SLC24A3: variants seen among roughly 807,000 people sequenced by gnomAD.
SLC24A3 encodes solute carrier family 24 member 3, also known as sodium/potassium/calcium exchanger 3.
SLC24A3 carries 28 observed loss-of-function variants against 75.8 expected under a neutral mutation model. The ratio of observed to expected loss-of-function variants is 0.37; its 90% CI spans 0.27 to 0.51. The LOEUF (loss-of-function observed/expected upper bound fraction) is 0.51, where lower values mean the gene tolerates loss of function less well. SLC24A3 is among the 20% of genes least tolerant of loss of function. SLC24A3 has a pLI of 0.94. For missense variants in SLC24A3, 663 were observed against 847.8 expected (o/e 0.78, Z 2.71); for synonymous variants, 372 against 334.1 (o/e 1.11, Z -1.24).
At chr20:19,684,380 G>A in intron 11 of SLC24A3, 44 bp downstream of exon 11, 1 of 1,569,062 alleles carries the variant, frequency 6.4e-7, no homozygotes, top group South Asian at 1.2e-5. Flanking sequence ...ACAGGGGTGG[G>A]AAACTCTGGG....
At chr20:19,308,718 A>C (rs1442988196) in intron 2 of SLC24A3, among the ~76,000 whole-genome samples, 2 of 152,128 alleles carry the variant, frequency 1.3e-5, no homozygotes, top group Non-Finnish European at 2.9e-5. Context: ...GAGGGGCTTT[A>C]TTTCATCGTT....
rs898225152 is a variant in SLC24A3, at chr20:19,700,993, G to A, written c.1719+2313G>A. On this transcript the variant is annotated intron_variant, in intron 15 of 16. Transcript: ENST00000328041. ...TCAGTGTTAGAAAAGTTATATAAAAGATTGTTTTCCAGAATGACAATATTT... is the reference window on the plus strand; with the variant it reads ...TCAGTGTTAGAAAAGTTATATAAAAAATTGTTTTCCAGAATGACAATATTT... Among the ~76,000 whole-genome samples the A allele has an allele frequency of 7.9e-5, 12 of 152,282 alleles. 1 individual carries two copies. Among genetic ancestry groups the A allele is most frequent in the South Asian group, 2.1e-4 (1 of 4,824 alleles).
At chr20:19,658,797 A>G (rs2032293507) in intron 7 of SLC24A3, among the ~76,000 whole-genome samples, 1 of 152,076 alleles carries the variant, frequency 6.6e-6, no homozygotes, top group Admixed American at 6.5e-5. Flanking sequence ...CCTTGTGCCC[A>G]TTCACCCAAC....
chr20:19,693,310 T>C lies in SLC24A3; in HGVS notation c.1376T>C (p.Val459Ala), dbSNP rs2032768307. ...GCGTTCACCTGGCCGCTGAGTTTCG[T>C]CTTATACTTCACTGTACCCAACTGC... Reference protein sequence around the residue: ...KWAFTWPLSFVLYFTVPNCNK... With the variant: ...KWAFTWPLSFALYFTVPNCNK... The change falls in exon 13 of 17, where the codon GTC becomes GCC. Residue 459 changes from valine to alanine, a missense_variant. By Grantham distance (64) the Val-to-Ala change is moderately conservative. Transcript: ENST00000328041. The C allele has an allele frequency of 6.2e-7, 1 of 1,614,054 alleles. No individual in the cohort carries two copies. Among genetic ancestry groups the C allele is most frequent in the Non-Finnish European group, 8.5e-7 (1 of 1,179,998 alleles).
intron 6 of SLC24A3, among the ~76,000 whole-genome samples, chr20:19,612,589 T>G (rs1337638059): frequency 6.9e-6 from 1 of 144,068 alleles, no homozygotes; most frequent in African/African-American, 2.6e-5. Flanking sequence ...AAAATAAAAC[T>G]CAAGAACCCT....
At chr20:19,700,171 G>A (rs1189770475) in intron 15 of SLC24A3, among the ~76,000 whole-genome samples, 1 of 152,146 alleles carries the variant, frequency 6.6e-6, no homozygotes, top group South Asian at 2.1e-4. Context: ...GCTAGCTACT[G>A]TATTACCAAA....
chr20:19,639,874 G>C (rs1022488292), intron 6 of SLC24A3, among the ~76,000 whole-genome samples: 1 of 152,280 alleles, frequency 6.6e-6, no homozygotes, highest in African/African-American at 2.4e-5. Flanking sequence ...GCTGGCCCAG[G>C]TGCTAAGCCC....
chr20:19,344,089 T>C (rs1985335042), intron 2 of SLC24A3, among the ~76,000 whole-genome samples: 1 of 152,210 alleles, frequency 6.6e-6, no homozygotes, highest in South Asian at 2.1e-4. Flanking sequence ...GGAAAGCAGA[T>C]GAGTATCTGT....
At chr20:19,238,966 G>GCACACACACACA (rs60649887) in intron 1 of SLC24A3, among the ~76,000 whole-genome samples, 13 of 148,866 alleles carry the variant, frequency 8.7e-5, no homozygotes, top group African/African-American at 3.2e-4. Flanking sequence ...ATGGGCGCAT[G>GCACACACACACA]CACACACACA....
intron 2 of SLC24A3, among the ~76,000 whole-genome samples, chr20:19,352,765 A>G (rs1020629099): frequency 6.6e-6 from 1 of 152,128 alleles, no homozygotes; most frequent in African/African-American, 2.4e-5. Flanking sequence ...TTGTGTAGGA[A>G]TTTCCTGTAC....
At chr20:19,518,802 C>CAGTCAGTTG (rs1469862361) in intron 3 of SLC24A3, among the ~76,000 whole-genome samples, 1 of 152,206 alleles carries the variant, frequency 6.6e-6, no homozygotes, top group Non-Finnish European at 1.5e-5. Flanking sequence ...ATCTGCCCTA[C>CAGTCAGTTG]AGTCAGTTGA....
chr20:19,476,321 G>C (rs1987961509), intron 2 of SLC24A3, among the ~76,000 whole-genome samples: 1 of 152,186 alleles, frequency 6.6e-6, no homozygotes, highest in Admixed American at 6.5e-5. Flanking sequence ...CATCCCTGAT[G>C]TTCTTACTGG....
At chr20:19,369,153 T>C (rs968200141) in intron 2 of SLC24A3, among the ~76,000 whole-genome samples, 4 of 152,208 alleles carry the variant, frequency 2.6e-5, no homozygotes, top group Non-Finnish European at 4.4e-5. Context: ...AAGATACTTA[T>C]AAATTGTAAA....
chr20:19,658,782 C>G (rs2032293245), intron 7 of SLC24A3, among the ~76,000 whole-genome samples: 2 of 152,096 alleles, frequency 1.3e-5, no homozygotes, highest in Admixed American at 6.5e-5. Context: ...TTCTTTAGAG[C>G]CCTTCCTTGT....
chr20:19,605,827 T>C (rs896356925), intron 6 of SLC24A3, among the ~76,000 whole-genome samples: 1 of 152,146 alleles, frequency 6.6e-6, no homozygotes, highest in Non-Finnish European at 1.5e-5. Flanking sequence ...ATCAGACTGC[T>C]TTTTTTCCCT....
intron 12 of SLC24A3, among the ~76,000 whole-genome samples, chr20:19,686,311 G>T (rs1600340345): frequency 6.6e-6 from 1 of 152,200 alleles, no homozygotes; most frequent in African/African-American, 2.4e-5. Flanking sequence ...CAGGACCTCA[G>T]CCACCAGGGT....
chr20:19,230,672 C>T (rs1981996998), intron 1 of SLC24A3, among the ~76,000 whole-genome samples: 1 of 149,356 alleles, frequency 6.7e-6, no homozygotes, highest in African/African-American at 2.5e-5. Flanking sequence ...GGGGGGGGTG[C>T]CCTTTACAAC....
intron 2 of SLC24A3, among the ~76,000 whole-genome samples, chr20:19,476,277 A>G (rs758628143): frequency 1.3e-5 from 2 of 152,226 alleles, no homozygotes; most frequent in Non-Finnish European, 2.9e-5. Flanking sequence ...CCTCAGGTGT[A>G]AATCCTGGAC....
At chr20:19,637,958 CTTTT>C (rs752668600) in intron 6 of SLC24A3, among the ~76,000 whole-genome samples, 3 of 151,918 alleles carry the variant, frequency 2.0e-5, no homozygotes, top group Non-Finnish European at 4.4e-5. Flanking sequence ...CTTCATTTTT[CTTTT>C]TTTTAAATTT....
Sources: gnomAD v4.1 joint callset for allele counts (sites outside exome capture counted in the v4.1 genomes callset) on GRCh38, gnomAD v4.1.1 for gene constraint, MANE v1.5 for transcripts, NCBI Gene and HGNC (gene_info 2026-07-23, HGNC 2026-07-21) for gene names.